MCM10: variants seen among roughly 807,000 people sequenced by gnomAD.
The protein encoded by MCM10 is minichromosome maintenance 10 replication initiation factor, also known as protein MCM10 homolog.
MCM10 carries 91 observed loss-of-function variants against 109.9 expected under a neutral mutation model. The ratio of observed to expected loss-of-function variants is 0.83; its 90% CI spans 0.70 to 0.99. The LOEUF (loss-of-function observed/expected upper bound fraction) is 0.99, where lower values mean the gene tolerates loss of function less well. MCM10 is among the 50% of genes least tolerant of loss of function. The pLI is 0.00. For missense variants in MCM10, 1,077 were observed against 1,061.2 expected, an observed-to-expected ratio of 1.01 and a Z score of -0.21; for synonymous variants, 380 against 387.2, an observed-to-expected ratio of 0.98 and a Z score of 0.22.
At chr10:13,171,293 T>C (rs1344549297) in intron 3 of MCM10, 30 bp downstream of exon 3, 1 of 1,553,162 alleles carries the variant, frequency 6.4e-7, no homozygotes, top group East Asian at 2.3e-5. Flanking sequence ...TCCTTATTTC[T>C]TTCGGATAAG....
At position 13,178,477 on chromosome 10, in the gene MCM10, T is replaced by C. The variant is rs541955421; in HGVS notation, c.765-1965T>C. ...CTGCATATGGATATCCAGTTTTCCC[T>C]GCACCATTTGTTGAAGAGACTGTCC... On this transcript the variant is annotated intron_variant, in intron 6 of 19. Coordinates refer to ENST00000378714, the MANE Select transcript of MCM10 (RefSeq NM_018518.5). 6.6e-5 allele frequency among the ~76,000 whole-genome samples: 10 copies of C among 152,352 alleles called. No homozygotes were observed. The South Asian group carries it at 1.9e-3, about 28-fold the overall frequency.
intron 8 of MCM10, among the ~76,000 whole-genome samples, chr10:13,184,376 A>C (rs995105252): frequency 6.6e-6 from 1 of 152,138 alleles, no homozygotes; most frequent in South Asian, 2.1e-4. Context: ...GACTGTGACA[A>C]CCATAGCTGC....
At chr10:13,183,138 T>G in intron 8 of MCM10, 38 bp downstream of exon 8, 1 of 1,596,956 alleles carries the variant, frequency 6.3e-7, no homozygotes, top group Non-Finnish European at 8.5e-7. Context: ...GATGATTGTC[T>G]TTACAAGTTA....
intron 13 of MCM10, among the ~76,000 whole-genome samples, chr10:13,193,565 C>T (rs1314208879): frequency 1.3e-5 from 2 of 152,042 alleles, no homozygotes; most frequent in East Asian, 3.9e-4. Context: ...TTTGCCATCC[C>T]GAATCTGGGC....
At chr10:13,188,740 A>C (rs1834306811) in intron 9 of MCM10, 141 bp from the exon 10 acceptor site, 1 of 748,664 alleles carries the variant, frequency 1.3e-6, no homozygotes. Context: ...GCCCTTCCAC[A>C]TTGGGAACGG....
At chr10:13,201,080 G>A (rs1022318713) in intron 16 of MCM10, among the ~76,000 whole-genome samples, 1 of 152,190 alleles carries the variant, frequency 6.6e-6, no homozygotes, top group East Asian at 1.9e-4. Context: ...AGGAGGTAGA[G>A]GTTGCAGTAA....
rs778551292 is a variant in MCM10 at position 13,204,282 on chromosome 10, C to T, written c.2416C>T (p.His806Tyr). The change falls in exon 18 of 20, where the codon CAT (histidine) becomes TAT (tyrosine). Residue 806 changes from histidine to tyrosine, a missense_variant. By Grantham distance (83) the His-to-Tyr change is moderately conservative (BLOSUM62 2). Transcript: ENST00000378714. ...CVSEQHEYHW[H>Y]DGVKRFFKCP... ...CAGTGAGCAGCATGAATACCACTGG[C>T]ATGATGGTGTGAAGAGGTTTTTCAA... 10 of 1,614,220 alleles carry T rather than the reference C, an allele frequency of 6.2e-6. No homozygotes were observed. In the South Asian group the frequency reaches 1.1e-4, roughly 18 times the overall value.
At position 13,202,954 on chromosome 10, in the gene MCM10, C is replaced by T. The variant is rs1407064788; in HGVS notation, c.2353-1265C>T. Among the ~76,000 whole-genome samples, 5 of 152,132 alleles carry T rather than the reference C, an allele frequency of 3.3e-5. 1 individual carries two copies. The South Asian group carries it at 6.2e-4, about 19-fold the overall frequency. ...CTGCCTCCCTGGTTCAAGCGATTCT[C>T]GTGTCTCAGCCTCCCGAGTAGCTGG... On this transcript the variant is annotated intron_variant, in intron 17 of 19. Transcript: ENST00000378714.
chr10:13,193,765 A>G lies in MCM10; in HGVS notation c.1745+1197A>G, dbSNP rs139428991. 5.3e-3 allele frequency among the ~76,000 whole-genome samples: 804 copies of G among 152,248 alleles called. 8 individuals are homozygous for G. The highest frequency in any genetic ancestry group is 0.016 in the African/African-American group (678 of 41,550). ...TACGTGGACACAGAAATATGTATGGAGTTGGGGGCCTCGTGGGAAATAGAG... is the reference window on the plus strand; with the variant it reads ...TACGTGGACACAGAAATATGTATGGGGTTGGGGGCCTCGTGGGAAATAGAG... On this transcript the variant is annotated intron_variant, in intron 13 of 19. Coordinates refer to ENST00000378714, the MANE Select transcript of MCM10 (RefSeq NM_018518.5).
In MCM10 at chr10:13,165,069, G is replaced by A. The variant is rs534921694; in HGVS notation, c.7+860G>A. Among the ~76,000 whole-genome samples the A allele has an allele frequency of 2.6e-5, 4 of 152,250 alleles. No individual in the cohort carries two copies. The South Asian group carries it at 6.2e-4, about 24-fold the overall frequency. On this transcript the variant is annotated intron_variant, in intron 2 of 19. Coordinates refer to ENST00000378714, the MANE Select transcript of MCM10 (RefSeq NM_018518.5). Reference sequence around the variant, plus strand: ...CACAGTGGACCCCCGTTGTCCCTGAGAGATGTGTTTCCACACTCCCAGCAG... The same window carrying A: ...CACAGTGGACCCCCGTTGTCCCTGAAAGATGTGTTTCCACACTCCCAGCAG...
rs376194352 is a variant in MCM10, at chr10:13,170,959, G to A, written c.45G>A (p.Leu15=). Reference sequence around the variant, plus strand: ...ATCTGTCTCTGCTGACCGCACTGCTGGAAGAAAATGAGTCAGCCTTGGATT... The same window carrying A: ...ATCTGTCTCTGCTGACCGCACTGCTAGAAGAAAATGAGTCAGCCTTGGATT... The part of the protein sequence containing the change: ...EDNLSLLTAL[L]EENESALDCN... The change falls in exon 3 of 20, where the codon CTG becomes CTA. Residue 15 remains leucine, a synonymous_variant. Transcript: ENST00000378714. 3 of 1,614,034 alleles carry A rather than the reference G, an allele frequency of 1.9e-6. No homozygotes were observed. In the African/African-American group the frequency reaches 4.0e-5, roughly 22 times the overall value.
chr10:13,186,348 C>T, intron 9 of MCM10, 68 bp downstream of exon 9: 2 of 1,087,106 alleles, frequency 1.8e-6, no homozygotes, highest in South Asian at 2.7e-5. Context: ...ACTGTTGGTG[C>T]TTTAGCTGTG....
At chr10:13,170,510 A>G (rs977890112) in intron 2 of MCM10, among the ~76,000 whole-genome samples, 1 of 152,008 alleles carries the variant, frequency 6.6e-6, no homozygotes, top group African/African-American at 2.4e-5. Context: ...CATTGATTGG[A>G]GTAGAATGCT....
At chr10:13,205,002 GTATATATATATATATATATATA>G (rs576376587) in intron 18 of MCM10, among the ~76,000 whole-genome samples, 1 of 6,684 alleles carries the variant, frequency 1.5e-4, no homozygotes, top group African/African-American at 4.4e-4. Context: ...ATGTATGTAT[GTATATATATATATATATATATA>G]TATATATATA....
chr10:13,167,338 G>C (rs1834014694), intron 2 of MCM10, among the ~76,000 whole-genome samples: 1 of 152,162 alleles, frequency 6.6e-6, no homozygotes, highest in South Asian at 2.1e-4. Flanking sequence ...TAGACATGTG[G>C]ATGAAGCTGA....
At chr10:13,183,390 G>A in intron 8 of MCM10, among the ~76,000 whole-genome samples, 1 of 152,022 alleles carries the variant, frequency 6.6e-6, no homozygotes. Flanking sequence ...AGTGAGCCCT[G>A]ATTGTGCCAC....
chr10:13,180,266 GAATT>G (rs772300794), intron 6 of MCM10, among the ~76,000 whole-genome samples, 172 bp from the exon 7 acceptor site: 2 of 149,602 alleles, frequency 1.3e-5, no homozygotes, highest in African/African-American at 2.5e-5. Flanking sequence ...AAAAAAAAAA[GAATT>G]ATTTATTTAT....
At chr10:13,190,511 C>G (rs368971214) in intron 10 of MCM10, among the ~76,000 whole-genome samples, 1 of 121,438 alleles carries the variant, frequency 8.2e-6, no homozygotes, top group African/African-American at 3.1e-5. Flanking sequence ...TGGCAAAACC[C>G]CATCTCTACA....
At chr10:13,208,366 CCA>C (rs1834611670) in intron 18 of MCM10, among the ~76,000 whole-genome samples, 1 of 151,890 alleles carries the variant, frequency 6.6e-6, no homozygotes, top group African/African-American at 2.4e-5. Flanking sequence ...CCAGCCTGGG[CCA>C]CAGAGTGAAC....
Sources: gnomAD v4.1 joint callset for allele counts (sites outside exome capture counted in the v4.1 genomes callset) on GRCh38, gnomAD v4.1.1 for gene constraint, MANE v1.5 for transcripts, NCBI Gene and HGNC (gene_info 2026-07-23, HGNC 2026-07-21) for gene names.